The following DENND1A variants were observed in gnomAD, a reference collection of about 807,000 sequenced individuals.
The protein encoded by DENND1A is DENN domain-containing protein 1A.
Under a neutral mutation model 113.7 loss-of-function variants are expected in DENND1A, and 51 were observed. The observed-to-expected ratio is 0.45, with a 90% CI of 0.36 to 0.57. The LOEUF is 0.57. DENND1A is among the 20% of genes least tolerant of loss of function. DENND1A has a pLI of 0.00. For missense variants in DENND1A, 1,258 were observed against 1,395.9 expected, an observed-to-expected ratio of 0.90 and a Z score of 1.57; for synonymous variants, 565 against 570.8, an observed-to-expected ratio of 0.99 and a Z score of 0.14.
chr9:123,798,870 A>G (rs1338515328), intron 2 of DENND1A, among the ~76,000 whole-genome samples: 1 of 152,124 alleles, frequency 6.6e-6, no homozygotes, highest in Non-Finnish European at 1.5e-5. Flanking sequence ...AAATTATTGG[A>G]AACAATTCCT....
At chr9:123,719,302 C>A (rs2067181624) in intron 5 of DENND1A, among the ~76,000 whole-genome samples, 1 of 152,200 alleles carries the variant, frequency 6.6e-6, no homozygotes, top group Non-Finnish European at 1.5e-5. Context: ...CTCAGTATCA[C>A]AAACACTGCT....
At position 123,408,666 on chromosome 9, in the gene DENND1A, C is replaced by A. The variant is rs118002270; in HGVS notation, c.1542+3110G>T. Among the ~76,000 whole-genome samples the A allele has an allele frequency of 1.6e-4, 25 of 152,290 alleles. 1 individual carries two copies. The East Asian group carries it at 4.8e-3, about 29-fold the overall frequency. The stretch of plus-strand genomic sequence containing the variant: ...CATGCCATCAACCCAGGAGGTCCAG[C>A]CAAAGCTAGCGCCAGGCTAGTCACC... On this transcript the variant is annotated intron_variant, in intron 20 of 23. Coordinates refer to ENST00000394215, the MANE Select transcript of DENND1A (RefSeq NM_001352964.2).
At chr9:123,497,813 C>CAAAAAAA (rs755257150) in intron 13 of DENND1A, among the ~76,000 whole-genome samples, 1 of 101,760 alleles carries the variant, frequency 9.8e-6, no homozygotes. Context: ...CTCTTCCATC[C>CAAAAAAA]AAAAAAAAAA....
chr9:123,626,172 C>A (rs1268106765), intron 10 of DENND1A, among the ~76,000 whole-genome samples: 3 of 152,102 alleles, frequency 2.0e-5, no homozygotes, highest in Non-Finnish European at 4.4e-5. Context: ...AGATTACAGG[C>A]ATAAGCTACC....
intron 2 of DENND1A, among the ~76,000 whole-genome samples, chr9:123,841,353 T>A (rs1308563827): frequency 1.3e-5 from 2 of 152,224 alleles, no homozygotes; most frequent in Non-Finnish European, 2.9e-5. Flanking sequence ...TTTTAAATGT[T>A]AAGAGATCAT....
At chr9:123,679,081 A>G (rs1224894197) in intron 5 of DENND1A, among the ~76,000 whole-genome samples, 1 of 152,226 alleles carries the variant, frequency 6.6e-6, no homozygotes, top group Non-Finnish European at 1.5e-5. Flanking sequence ...CAGCCACTGA[A>G]AGTCAGGAGG....
At chr9:123,852,199 G>C (rs1843485813) in intron 2 of DENND1A, among the ~76,000 whole-genome samples, 1 of 152,170 alleles carries the variant, frequency 6.6e-6, no homozygotes. Flanking sequence ...CAAATTGAGA[G>C]GGCCTGTACT....
intron 2 of DENND1A, among the ~76,000 whole-genome samples, chr9:123,872,647 T>C (rs1846826695): frequency 6.6e-6 from 1 of 152,178 alleles, no homozygotes; most frequent in Non-Finnish European, 1.5e-5. Context: ...ACTCAAGAAC[T>C]AATCAGAAAA....
At chr9:123,392,915 T>C (rs1215708461) in intron 21 of DENND1A, among the ~76,000 whole-genome samples, 1 of 152,212 alleles carries the variant, frequency 6.6e-6, no homozygotes, top group East Asian at 1.9e-4. Context: ...CATATGATGT[T>C]TGGTTTTCCA....
intron 5 of DENND1A, among the ~76,000 whole-genome samples, chr9:123,717,825 T>G (rs1027131401): frequency 1.3e-5 from 2 of 152,234 alleles, no homozygotes; most frequent in African/African-American, 2.4e-5. Context: ...AATCAGTTGC[T>G]GAAATGCTAA....
intron 5 of DENND1A, among the ~76,000 whole-genome samples, chr9:123,718,082 C>T (rs2067098730): frequency 6.6e-6 from 1 of 152,128 alleles, no homozygotes; most frequent in Non-Finnish European, 1.5e-5. Context: ...GGGAAATGGC[C>T]TCCATCCTGA....
chr9:123,429,351 T>C (rs548837264), intron 19 of DENND1A, among the ~76,000 whole-genome samples: 6 of 151,288 alleles, frequency 4.0e-5, no homozygotes, highest in African/African-American at 1.5e-4. Context: ...AGGCTGGGAG[T>C]TCAAGACCAG....
intron 9 of DENND1A, among the ~76,000 whole-genome samples, chr9:123,638,986 A>G (rs1245547415): frequency 1.3e-5 from 2 of 149,376 alleles, no homozygotes; most frequent in South Asian, 2.2e-4. Context: ...GTACCCACAC[A>G]TGAAGAAACT....
chr9:123,460,951 T>C (rs2048477058), intron 13 of DENND1A, among the ~76,000 whole-genome samples: 1 of 152,208 alleles, frequency 6.6e-6, no homozygotes, highest in African/African-American at 2.4e-5. Flanking sequence ...TGGCAACATA[T>C]GTGGCACACA....
chr9:123,516,046 C>T (rs1448096564), intron 13 of DENND1A, among the ~76,000 whole-genome samples: 1 of 151,454 alleles, frequency 6.6e-6, no homozygotes, highest in South Asian at 2.1e-4. Flanking sequence ...TGCACTCCAG[C>T]CTGGCAGACA....
At chr9:123,836,614 C>T (rs1477006910) in intron 2 of DENND1A, among the ~76,000 whole-genome samples, 1 of 152,028 alleles carries the variant, frequency 6.6e-6, no homozygotes, top group Non-Finnish European at 1.5e-5. Flanking sequence ...TTTTTCATAT[C>T]TCATATTAGA....
At chr9:123,806,107 C>A (rs763460590) in intron 2 of DENND1A, among the ~76,000 whole-genome samples, 6 of 151,894 alleles carry the variant, frequency 4.0e-5, no homozygotes, top group Admixed American at 2.0e-4. Flanking sequence ...GCACCCGCCA[C>A]CATGCCTGGC....
At position 123,381,052 on chromosome 9, in the gene DENND1A, A is replaced by T. The variant is rs561799846; in HGVS notation, c.*380T>A. 1.3e-5 allele frequency: 3 copies of T among 225,442 alleles called. No homozygotes were observed. In the South Asian group the frequency reaches 2.0e-4, roughly 15 times the overall value. The allele number at this position is 225,442 out of a possible 1,614,324, so 14.0% of individuals were successfully genotyped here. ...GGCCTGGCTGTGGAGGAGACAGGAGAGCTGGGCTCGGAGGGGAGGCCTTCG... is the reference window on the plus strand; with the variant it reads ...GGCCTGGCTGTGGAGGAGACAGGAGTGCTGGGCTCGGAGGGGAGGCCTTCG... On this transcript the variant is annotated 3_prime_UTR_variant, in exon 24 of 24. Transcript: ENST00000394215. The surrounding 1 kb of genome is among the most constrained non-coding windows in gnomAD (Gnocchi z 4.7).
chr9:123,624,849 C>T (rs1308442411), intron 10 of DENND1A, among the ~76,000 whole-genome samples: 1 of 152,106 alleles, frequency 6.6e-6, no homozygotes, highest in African/African-American at 2.4e-5. Context: ...AATAAAACAT[C>T]TAATGTATCT....
Sources: allele counts gnomAD v4.1 joint callset (sites outside exome capture counted in the v4.1 genomes callset), GRCh38; gene constraint gnomAD v4.1.1; non-coding constraint Gnocchi (gnomAD v3.1); transcripts MANE v1.5; gene names NCBI Gene and HGNC (gene_info 2026-07-23, HGNC 2026-07-21).